SGCG: variants seen among roughly 807,000 people sequenced by gnomAD.
SGCG encodes gamma-sarcoglycan.
In SGCG, 26 loss-of-function variants were observed where a neutral mutation model predicts 29.3. The observed-to-expected ratio is 0.89, with a 90% CI of 0.65 to 1.23. SGCG has a LOEUF of 1.23. Among genes scored for constraint, SGCG ranks in the 50% most tolerant of loss-of-function variants. SGCG has a pLI of 0.00. For missense variants in SGCG, 353 were observed against 356.0 expected (o/e 0.99, Z 0.07); for synonymous variants, 145 against 129.7 (o/e 1.12, Z -0.80).
chr13:23,169,673 A>ATC, the SGCG span, among the ~76,000 whole-genome samples: 16 of 138,264 alleles, frequency 1.2e-4, no homozygotes, highest in African/African-American at 2.7e-4. Flanking sequence ...GAGAGACTCC[A>ATC]TCTCTCTCTC....
the SGCG span, among the ~76,000 whole-genome samples, chr13:23,161,967 T>A: frequency 6.6e-6 from 1 of 152,154 alleles, no homozygotes; most frequent in Admixed American, 6.5e-5. Flanking sequence ...CTTTCTTAAA[T>A]CTCAGAAAAA....
intron 1 of SGCG, among the ~76,000 whole-genome samples, chr13:23,192,205 A>G (rs1045960855): frequency 1.3e-5 from 2 of 151,780 alleles, no homozygotes; most frequent in Non-Finnish European, 2.9e-5. Flanking sequence ...AGGAAGTTTC[A>G]GCCTATGAAT....
At chr13:23,170,061 A>G in the SGCG span, 1 of 152,194 alleles carries the variant, frequency 6.6e-6, no homozygotes, top group African/African-American at 2.4e-5. Context: ...TTCTAGTGGC[A>G]GAAATAAAAG....
rs536743423 is a variant in SGCG at position 23,315,359 on chromosome 13, A to T, written c.579-5278A>T. Among the ~76,000 whole-genome samples the T allele has an allele frequency of 1.1e-4, 16 of 152,322 alleles. No homozygotes were observed. The South Asian group carries it at 3.3e-3, about 32-fold the overall frequency. ...CATTCCATCATCAAATGGATGTGGT[A>T]TATATGCGATCGTGCTCGAGCAGGT... On this transcript the variant is annotated intron_variant, in intron 6 of 7. Transcript: ENST00000218867.
chr13:23,202,434 T>C (rs1023257055), intron 1 of SGCG, among the ~76,000 whole-genome samples: 1 of 152,074 alleles, frequency 6.6e-6, no homozygotes, highest in African/African-American at 2.4e-5. Context: ...CAGATATATA[T>C]GGAAGGTAGA....
At chr13:23,276,860 G>C (rs1881100129) in intron 4 of SGCG, among the ~76,000 whole-genome samples, 1 of 152,212 alleles carries the variant, frequency 6.6e-6, no homozygotes, top group Non-Finnish European at 1.5e-5. Flanking sequence ...CCAATGCTTA[G>C]CAAATTGTCC....
chr13:23,266,964 A>G (rs1385338689), intron 4 of SGCG, among the ~76,000 whole-genome samples: 1 of 152,210 alleles, frequency 6.6e-6, no homozygotes, highest in Non-Finnish European at 1.5e-5. Context: ...ACAAATTCCA[A>G]AGAAAGTCAA....
At position 23,200,529 on chromosome 13, in the gene SGCG, C is replaced by T. The variant is rs75926157; in HGVS notation, c.1-3166C>T. Among the ~76,000 whole-genome samples, 634 of 152,300 alleles carry T rather than the reference C, an allele frequency of 4.2e-3. 5 individuals carry two copies. Among genetic ancestry groups the T allele is most frequent in the African/African-American group, 0.014 (595 of 41,562 alleles). ...AGCACATACTACATGCTGGCTGCTGCTCTAGGGGCCGAGGGTAAAACAAAA... is the reference window on the plus strand; with the variant it reads ...AGCACATACTACATGCTGGCTGCTGTTCTAGGGGCCGAGGGTAAAACAAAA... On this transcript the variant is annotated intron_variant, in intron 1 of 7. Coordinates refer to ENST00000218867, the MANE Select transcript of SGCG (RefSeq NM_000231.3).
chr13:23,308,755 G>A lies in SGCG; in HGVS notation c.579-11882G>A, dbSNP rs556853. On this transcript the variant is annotated intron_variant, in intron 6 of 7. Transcript: ENST00000218867. Reference sequence around the variant, plus strand: ...AATTTTTGTATTTTTGTAGAGACGCGGTTTCATCATGTTGGCCAGGCTGGT... The same window carrying A: ...AATTTTTGTATTTTTGTAGAGACGCAGTTTCATCATGTTGGCCAGGCTGGT... 1.5e-3 allele frequency among the ~76,000 whole-genome samples: 229 copies of A among 151,962 alleles called. 1 individual carries two copies. Among genetic ancestry groups the A allele is most frequent in the African/African-American group, 5.2e-3 (217 of 41,420 alleles).
chr13:23,171,189 T>G, the SGCG span, among the ~76,000 whole-genome samples: 1 of 152,158 alleles, frequency 6.6e-6, no homozygotes, highest in South Asian at 2.1e-4. Flanking sequence ...TTTTGATAAA[T>G]TCACTCAGCA....
chr13:23,252,305 C>A (rs1879997179), intron 4 of SGCG, among the ~76,000 whole-genome samples: 1 of 152,118 alleles, frequency 6.6e-6, no homozygotes, highest in South Asian at 2.1e-4. Flanking sequence ...TGACTATGGG[C>A]TACCTTATAT....
chr13:23,169,339 T>C, the SGCG span, among the ~76,000 whole-genome samples: 1 of 150,480 alleles, frequency 6.6e-6, no homozygotes, highest in East Asian at 2.0e-4. Flanking sequence ...GCATTCTCCC[T>C]CATTCTTCCA....
At chr13:23,319,135 T>C (rs1648519967) in intron 6 of SGCG, among the ~76,000 whole-genome samples, 1 of 152,056 alleles carries the variant, frequency 6.6e-6, no homozygotes, top group African/African-American at 2.4e-5. Context: ...CCGTCTCTAC[T>C]AAAAATACAA....
At chr13:23,320,607 T>A in intron 6 of SGCG, 30 bp from the exon 7 acceptor site, 1 of 1,476,276 alleles carries the variant, frequency 6.8e-7, no homozygotes, top group Non-Finnish European at 9.2e-7. Flanking sequence ...CTTTTTTTTT[T>A]TTTTTTTGTG....
At chr13:23,221,597 C>T (rs536392909) in intron 2 of SGCG, among the ~76,000 whole-genome samples, 3 of 152,298 alleles carry the variant, frequency 2.0e-5, no homozygotes, top group East Asian at 3.9e-4. Flanking sequence ...ATACTATTTA[C>T]AAAGCCCATT....
chr13:23,262,405 C>CA (rs1333122003), intron 4 of SGCG, among the ~76,000 whole-genome samples: 1 of 151,328 alleles, frequency 6.6e-6, no homozygotes, highest in Non-Finnish European at 1.5e-5. Flanking sequence ...AAAACAAAAC[C>CA]AAAAAATGTA....
At chr13:23,162,999 A>C in the SGCG span, among the ~76,000 whole-genome samples, 1 of 152,198 alleles carries the variant, frequency 6.6e-6, no homozygotes, top group African/African-American at 2.4e-5. Context: ...ATTGTAGGAA[A>C]ATGATTTATA....
intron 1 of SGCG, among the ~76,000 whole-genome samples, chr13:23,194,991 T>C (rs1445839932): frequency 6.6e-6 from 1 of 152,210 alleles, no homozygotes; most frequent in Admixed American, 6.5e-5. Context: ...TTGTTAACAT[T>C]AACTCAGCTT....
At chr13:23,290,785 G>GA (rs2137636329) in intron 5 of SGCG, among the ~76,000 whole-genome samples, 1 of 138,820 alleles carries the variant, frequency 7.2e-6, no homozygotes, top group Non-Finnish European at 1.6e-5. Context: ...GCATGTCTGA[G>GA]ATATATATTA....
Sources: gnomAD v4.1 joint callset for allele counts (sites outside exome capture counted in the v4.1 genomes callset) on GRCh38, gnomAD v4.1.1 for gene constraint, MANE v1.5 for transcripts, NCBI Gene and HGNC (gene_info 2026-07-23, HGNC 2026-07-21) for gene names.